Variants in TOPAZ1 observed in about 807,000 individuals in gnomAD.
TOPAZ1 encodes protein TOPAZ1.
TOPAZ1 carries 66 observed loss-of-function variants against 172.2 expected under a neutral mutation model. The ratio of observed to expected loss-of-function variants is 0.38; its 90% CI spans 0.31 to 0.47. The LOEUF is 0.47. TOPAZ1 is among the 20% of genes least tolerant of loss of function. The probability of loss-of-function intolerance (pLI) is 0.99; values close to 1 mark genes in which losing one functional copy is unlikely to be tolerated. For missense variants in TOPAZ1, 1,822 were observed against 1,972.4 expected (o/e 0.92, Z 1.44); for synonymous variants, 681 against 683.9 (o/e 1.00, Z 0.07).
At chr3:44,246,575 T>A (rs1158452013) in intron 2 of TOPAZ1, among the ~76,000 whole-genome samples, 1 of 152,124 alleles carries the variant, frequency 6.6e-6, no homozygotes. Context: ...TGTAATGAGG[T>A]AGCCTGGTAA....
chr3:44,269,772 C>T (rs1033783697), intron 7 of TOPAZ1, among the ~76,000 whole-genome samples: 2 of 151,830 alleles, frequency 1.3e-5, no homozygotes, highest in African/African-American at 4.8e-5. Context: ...GCTGGGATTA[C>T]AGGCGCCCAC....
rs1248669407 is a variant in TOPAZ1 at position 44,267,211 on chromosome 3, C to CA, written c.3160+81dup. 20 of 1,049,502 alleles carry CA rather than the reference C, an allele frequency of 1.9e-5. No homozygotes were observed. In the African/African-American group the frequency reaches 2.5e-4, roughly 13 times the overall value. 65.0% of individuals were successfully genotyped at this position (1,049,502 alleles called of 1,614,324 possible). ...AACTAGGAGATTTTTCTACCAAAAACAAAAAACGATTAAAAAAGAAAAATG... is the reference window on the plus strand; with the variant it reads ...AACTAGGAGATTTTTCTACCAAAAACAAAAAAACGATTAAAAAAGAAAAATG... On this transcript the variant is annotated intron_variant, in intron 6 of 19. Transcript: ENST00000309765.
At chr3:44,287,584 A>C in intron 10 of TOPAZ1, 44 bp downstream of exon 10, 1 of 1,306,744 alleles carries the variant, frequency 7.7e-7, no homozygotes, top group Non-Finnish European at 1.0e-6. Context: ...TTTTATGTTA[A>C]TTTCTCTGTC....
chr3:44,250,565 G>T (rs1699618944), intron 2 of TOPAZ1, among the ~76,000 whole-genome samples: 1 of 151,908 alleles, frequency 6.6e-6, no homozygotes, highest in Non-Finnish European at 1.5e-5. Flanking sequence ...CTTTCTAAAG[G>T]ACTCAGCTTG....
chr3:44,335,843 C>CA (rs1210824129), downstream of TOPAZ1, among the ~76,000 whole-genome samples: 9 of 152,066 alleles, frequency 5.9e-5, no homozygotes, highest in Non-Finnish European at 4.4e-5. Flanking sequence ...TTGAGGGCTT[C>CA]ATATAAAGGT....
intron 2 of TOPAZ1, among the ~76,000 whole-genome samples, chr3:44,248,154 A>G (rs1297261452): frequency 6.6e-6 from 1 of 152,182 alleles, no homozygotes; most frequent in Non-Finnish European, 1.5e-5. Context: ...GCTTTCTGAC[A>G]TTATGTGTTG....
downstream of TOPAZ1, chr3:44,332,145 A>G: frequency 1.6e-6 from 1 of 621,232 alleles, no homozygotes; most frequent in Non-Finnish European, 2.7e-6. Context: ...ATAGTTTTAA[A>G]GCACTAAATT....
chr3:44,283,865 T>A (rs1700050608), intron 9 of TOPAZ1, among the ~76,000 whole-genome samples: 1 of 152,222 alleles, frequency 6.6e-6, no homozygotes, highest in Non-Finnish European at 1.5e-5. Context: ...AAACAGGCTA[T>A]CCTTTTATAT....
chr3:44,243,485 G>A lies in TOPAZ1; in HGVS notation c.979G>A (p.Gly327Arg), dbSNP rs1437701030. Residue 327 changes from glycine (G) to arginine (R), a missense_variant, in exon 2 of 20, where the codon GGG (glycine) becomes AGG (arginine). By Grantham distance (125) the Gly-to-Arg change is moderately radical (BLOSUM62 -2). Transcript: ENST00000309765. Reference protein sequence around the residue: ...NKYSIEESSVGRKPRKRMKLS... With the variant: ...NKYSIEESSVRRKPRKRMKLS... ...ATATTCAATAGAGGAGAGCAGTGTT[G>A]GGCGAAAACCCAGGAAAAGGATGAA... is the stretch of plus-strand genomic sequence containing the variant. 6.4e-7 allele frequency: 1 copy of A among 1,551,550 alleles called. No homozygotes were observed. Among genetic ancestry groups the A allele is most frequent in the Non-Finnish European group, 8.7e-7 (1 of 1,146,982 alleles).
intron 9 of TOPAZ1, among the ~76,000 whole-genome samples, chr3:44,286,382 G>C (rs1399594576): frequency 1.3e-5 from 2 of 152,070 alleles, no homozygotes; most frequent in Admixed American, 1.3e-4. Context: ...CAGTTGATCA[G>C]CTTCTGTATA....
Position 44,305,158 on chromosome 3 carries a change from A to T in TOPAZ1, c.3876A>T (p.Glu1292Asp). 6.6e-7 allele frequency: 1 copy of T among 1,516,126 alleles called. No homozygotes were observed. The highest frequency in any genetic ancestry group is 8.8e-7 in the Non-Finnish European group (1 of 1,135,396). The allele number at this position is 1,516,126 out of a possible 1,614,324, so 93.9% of individuals were successfully genotyped here. ...AATAATTTTGATAGCATTGTAAAGA[A>T]AAAGGTGACTGGACCAAATTGGGAA... ...SALNKLEHCK[E>D]KGDWTKLGKL... is the part of the protein sequence containing the mutation. The change falls in exon 14 of 20, where the codon GAA (glutamate) becomes GAT (aspartate). Residue 1292 changes from glutamate to aspartate, a missense_variant. Around this residue, in one of 2 missense-constraint regions of TOPAZ1, gnomAD observed 333 missense variants for 481.7 expected, o/e 0.69. Transcript: ENST00000309765.
intron 4 of TOPAZ1, among the ~76,000 whole-genome samples, chr3:44,262,087 A>T (rs990744033): frequency 6.6e-6 from 1 of 152,174 alleles, no homozygotes; most frequent in African/African-American, 2.4e-5. Context: ...CTTTAAAATA[A>T]CTCAAAGCTC....
intron 4 of TOPAZ1, among the ~76,000 whole-genome samples, chr3:44,259,803 C>T (rs1032089260): frequency 5.3e-5 from 8 of 152,090 alleles, no homozygotes; most frequent in Admixed American, 1.3e-4. Flanking sequence ...TTTTAATATG[C>T]ATTTCTCTTA....
Position 44,243,959 on chromosome 3 carries a change from A to G in TOPAZ1, c.1453A>G (p.Thr485Ala). The change falls in exon 2 of 20, where the codon ACA (threonine) becomes GCA (alanine). Residue 485 changes from threonine to alanine, a missense_variant. Physicochemically the swap from Thr to Ala is moderately conservative, Grantham distance 58. Around this residue, in one of 2 missense-constraint regions of TOPAZ1, gnomAD observed 1,489 missense variants for 1,490.8 expected, o/e 1.00. Transcript: ENST00000309765. ...AGAATTGAAGTTAAGCTGTCAGAGA[A>G]CAATACCTATGACTGGTAAAAGAAC... is the stretch of plus-strand genomic sequence containing the variant. ...SEELKLSCQR[T>A]IPMTGKRTWP... 6.4e-7 allele frequency: 1 copy of G among 1,552,340 alleles called. No homozygotes were observed. Among genetic ancestry groups the G allele is most frequent in the Non-Finnish European group, 8.7e-7 (1 of 1,147,076 alleles).
At chr3:44,294,775 A>C (rs1276033940) in intron 12 of TOPAZ1, among the ~76,000 whole-genome samples, 2 of 152,182 alleles carry the variant, frequency 1.3e-5, no homozygotes, top group Non-Finnish European at 2.9e-5. Flanking sequence ...CAAAATAGTC[A>C]AATGAATTTT....
chr3:44,248,126 T>C (rs1054271217), intron 2 of TOPAZ1, among the ~76,000 whole-genome samples: 2 of 152,338 alleles, frequency 1.3e-5, no homozygotes, highest in Non-Finnish European at 2.9e-5. Context: ...CTCACAATTA[T>C]ATAGACATTG....
At chr3:44,316,748 A>G (rs1414749653) in intron 16 of TOPAZ1, among the ~76,000 whole-genome samples, 1 of 152,076 alleles carries the variant, frequency 6.6e-6, no homozygotes, top group East Asian at 1.9e-4. Flanking sequence ...ATTTGTTGTT[A>G]GTTTTAAATT....
At chr3:44,250,260 A>C (rs1473669190) in intron 2 of TOPAZ1, among the ~76,000 whole-genome samples, 1 of 151,216 alleles carries the variant, frequency 6.6e-6, no homozygotes, top group Non-Finnish European at 1.5e-5. Context: ...AAAAAAAAAA[A>C]ACAGGTTTCC....
At chr3:44,274,693 T>TA (rs1375498948) in intron 8 of TOPAZ1, among the ~76,000 whole-genome samples, 2 of 151,922 alleles carry the variant, frequency 1.3e-5, no homozygotes, top group African/African-American at 2.4e-5. Context: ...TAGCTGGGAT[T>TA]ACAGGCGTGC....
Sources: allele counts gnomAD v4.1 joint callset (sites outside exome capture counted in the v4.1 genomes callset), GRCh38; gene constraint gnomAD v4.1.1; regional missense constraint gnomAD v4.1.1; transcripts MANE v1.5; gene names NCBI Gene and HGNC (gene_info 2026-07-23, HGNC 2026-07-21).